Variants in MECOM observed in about 807,000 individuals in gnomAD.
The protein encoded by MECOM is MDS1 and EVI1 complex locus.
In MECOM, 13 loss-of-function variants were observed where a neutral mutation model predicts 116.3. The observed-to-expected ratio is 0.11, with a 90% CI of 0.07 to 0.18. MECOM has a LOEUF of 0.18. Among genes scored for constraint, MECOM ranks in the 10% least tolerant of loss-of-function variants. MECOM has a pLI of 1.00. For synonymous variants in MECOM, 528 were observed against 535.2 expected, an observed-to-expected ratio of 0.99 and a Z score of 0.19; for missense variants, 1,299 against 1,509.0, an observed-to-expected ratio of 0.86 and a Z score of 2.31.
chr3:169,131,753 C>A (rs1017404507), intron 3 of MECOM: 3 of 642,458 alleles, frequency 4.7e-6, no homozygotes, highest in South Asian at 4.8e-5. Context: ...GTTCACAAAT[C>A]TTTTCCAAAT....
At chr3:169,153,299 A>C (rs1176157587) in intron 2 of MECOM, among the ~76,000 whole-genome samples, 1 of 152,230 alleles carries the variant, frequency 6.6e-6, no homozygotes, top group Non-Finnish European at 1.5e-5. Context: ...AAATACAAAA[A>C]CTGAGACAGT....
intron 2 of MECOM, chr3:169,146,379 G>C: frequency 7.2e-7 from 1 of 1,386,702 alleles, no homozygotes; most frequent in Non-Finnish European, 9.6e-7. Flanking sequence ...ACCGCACCTT[G>C]TGCGTCCCCG....
intron 1 of MECOM, among the ~76,000 whole-genome samples, chr3:169,528,884 T>G (rs1758251925): frequency 6.6e-6 from 1 of 152,226 alleles, no homozygotes; most frequent in Non-Finnish European, 1.5e-5. Context: ...TATGGCTTTC[T>G]CTGGTACCTC....
intron 1 of MECOM, among the ~76,000 whole-genome samples, chr3:169,397,810 G>T (rs933270800): frequency 2.0e-5 from 3 of 152,146 alleles, no homozygotes; most frequent in Non-Finnish European, 4.4e-5. Flanking sequence ...TGGGTAAAAA[G>T]GTTGAATTGT....
intron 1 of MECOM, among the ~76,000 whole-genome samples, chr3:169,651,834 A>G (rs1357191557): frequency 6.6e-6 from 1 of 152,208 alleles, no homozygotes; most frequent in South Asian, 2.1e-4. Flanking sequence ...ATCTATATGT[A>G]TGTATGTGCT....
At chr3:169,307,802 T>C (rs1409913253) in intron 2 of MECOM, among the ~76,000 whole-genome samples, 7 of 152,170 alleles carry the variant, frequency 4.6e-5, no homozygotes, top group Non-Finnish European at 1.0e-4. Context: ...CCACTGCTCC[T>C]AGTTTCTGAT....
At chr3:169,485,083 C>T (rs1751951936) in intron 1 of MECOM, among the ~76,000 whole-genome samples, 1 of 152,064 alleles carries the variant, frequency 6.6e-6, no homozygotes, top group Non-Finnish European at 1.5e-5. Flanking sequence ...CAACCTCCAC[C>T]CCCTGGGTTC....
chr3:169,280,186 G>T (rs1236830847), intron 2 of MECOM, among the ~76,000 whole-genome samples: 1 of 152,156 alleles, frequency 6.6e-6, no homozygotes, highest in Non-Finnish European at 1.5e-5. Context: ...ACCTCCCTTT[G>T]CTTTTACTGT....
chr3:169,342,530 C>T lies in MECOM; in HGVS notation c.375+38657G>A, dbSNP rs530058430. Among the ~76,000 whole-genome samples, 7 of 152,172 alleles carry T rather than the reference C, an allele frequency of 4.6e-5. No homozygotes were observed. In the South Asian group the frequency reaches 6.2e-4, roughly 14 times the overall value. On this transcript the variant is annotated intron_variant, in intron 2 of 16. Transcript: ENST00000651503. The stretch of plus-strand genomic sequence containing the variant: ...TTTACCTGATCTTTTGCACATTGCT[C>T]TTATAAAGTCATTTTGAGAACTACT...
chr3:169,490,021 T>C (rs1752887490), intron 1 of MECOM, among the ~76,000 whole-genome samples: 1 of 151,780 alleles, frequency 6.6e-6, no homozygotes, highest in Non-Finnish European at 1.5e-5. Flanking sequence ...CATGTAAAAC[T>C]GAAAAAAGAA....
At chr3:169,138,550 C>T (rs111475260) in intron 3 of MECOM, among the ~76,000 whole-genome samples, 23 of 152,154 alleles carry the variant, frequency 1.5e-4, no homozygotes, top group African/African-American at 4.8e-4. Flanking sequence ...GTATTGCCAG[C>T]TGGCATTCAT....
chr3:169,175,987 A>T (rs1172186699), intron 2 of MECOM, among the ~76,000 whole-genome samples: 1 of 152,124 alleles, frequency 6.6e-6, no homozygotes, highest in African/African-American at 2.4e-5. Context: ...AGTTTCTGCT[A>T]ATATGGTTCG....
chr3:169,261,711 A>G (rs868335231), intron 2 of MECOM, among the ~76,000 whole-genome samples: 16 of 150,536 alleles, frequency 1.1e-4, no homozygotes, highest in African/African-American at 3.5e-4. Flanking sequence ...CAAGAAGAAG[A>G]AGAAGGAGAA....
intron 1 of MECOM, among the ~76,000 whole-genome samples, chr3:169,524,184 G>A (rs1219701058): frequency 6.6e-6 from 1 of 151,932 alleles, no homozygotes; most frequent in Non-Finnish European, 1.5e-5. Context: ...CCAGGTGGAA[G>A]AGAATATAGG....
intron 1 of MECOM, among the ~76,000 whole-genome samples, chr3:169,524,039 A>AATATAC (rs1757690354): frequency 7.2e-6 from 1 of 138,248 alleles, no homozygotes; most frequent in African/African-American, 2.6e-5. Flanking sequence ...TATATGAATA[A>AATATAC]ATATATATAT....
chr3:169,293,862 C>T lies in MECOM; in HGVS notation c.375+87325G>A, dbSNP rs9845127. Reference sequence around the variant, plus strand: ...GCCAGTGTGATCTACAGTGTCTAGCCCCAGTAACAGGTGAGAGTCACTGAA... The same window carrying T: ...GCCAGTGTGATCTACAGTGTCTAGCTCCAGTAACAGGTGAGAGTCACTGAA... On this transcript the variant is annotated intron_variant, in intron 2 of 16. Coordinates refer to ENST00000651503, the MANE Select transcript of MECOM (RefSeq NM_004991.4). 3.3e-3 allele frequency among the ~76,000 whole-genome samples: 503 copies of T among 152,178 alleles called. 2 individuals are homozygous for T. The highest frequency in any genetic ancestry group is 0.012 in the African/African-American group (485 of 41,532).
intron 2 of MECOM, among the ~76,000 whole-genome samples, chr3:169,268,075 A>G (rs1317985966): frequency 6.6e-6 from 1 of 152,168 alleles, no homozygotes; most frequent in Non-Finnish European, 1.5e-5. Context: ...ACTCTATACA[A>G]ATTTTCCAGG....
intron 1 of MECOM, among the ~76,000 whole-genome samples, chr3:169,534,676 C>T (rs776774048): frequency 1.8e-4 from 28 of 152,212 alleles, no homozygotes; most frequent in Non-Finnish European, 3.8e-4. Flanking sequence ...GTAGTGCTTA[C>T]TATTTGCCAA....
At chr3:169,401,089 G>A (rs568782568) in intron 1 of MECOM, among the ~76,000 whole-genome samples, 2 of 152,164 alleles carry the variant, frequency 1.3e-5, no homozygotes, top group African/African-American at 4.8e-5. Flanking sequence ...TCCTAGATAG[G>A]CTCTCAGCTT....
Sources: gnomAD v4.1 joint callset for allele counts (sites outside exome capture counted in the v4.1 genomes callset) on GRCh38, gnomAD v4.1.1 for gene constraint, MANE v1.5 for transcripts, NCBI Gene and HGNC (gene_info 2026-07-23, HGNC 2026-07-21) for gene names.